Variants in PCDH9 observed in about 807,000 individuals in gnomAD.
PCDH9 encodes protocadherin-9.
In PCDH9, 24 loss-of-function variants were observed where a neutral mutation model predicts 70.6. The observed-to-expected ratio is 0.34, with a 90% CI of 0.25 to 0.48. PCDH9 has a LOEUF of 0.48. Among genes scored for constraint, PCDH9 ranks in the 20% least tolerant of loss-of-function variants. PCDH9 has a pLI of 0.99. For synonymous variants in PCDH9, 562 were observed against 558.5 expected (o/e 1.01, Z -0.09); for missense variants, 1,281 against 1,503.6 (o/e 0.85, Z 2.45).
At chr13:67,017,099 C>T (rs141087127) in intron 2 of PCDH9, among the ~76,000 whole-genome samples, 1,792 of 152,204 alleles carry the variant, frequency 0.012, 15 homozygotes, top group Middle Eastern at 0.017. Flanking sequence ...GCTGATACAT[C>T]GAGCAAATGT....
intron 2 of PCDH9, among the ~76,000 whole-genome samples, chr13:67,170,766 A>C (rs561706242): frequency 6.6e-6 from 1 of 152,008 alleles, no homozygotes; most frequent in African/African-American, 2.4e-5. Context: ...CGCTACTAAA[A>C]ATACAAAAAT....
chr13:66,309,053 G>A (rs1955519272), intron 4 of PCDH9, among the ~76,000 whole-genome samples: 1 of 151,976 alleles, frequency 6.6e-6, no homozygotes, highest in Non-Finnish European at 1.5e-5. Flanking sequence ...TAGTTACATG[G>A]TAGGTGTATG....
chr13:66,775,548 C>T (rs908123971), intron 3 of PCDH9, among the ~76,000 whole-genome samples: 1 of 152,152 alleles, frequency 6.6e-6, no homozygotes, highest in African/African-American at 2.4e-5. Context: ...TTCTTCTCCT[C>T]CTCAGCCTAC....
chr13:67,111,837 A>G (rs1284932252), intron 2 of PCDH9, among the ~76,000 whole-genome samples: 1 of 152,176 alleles, frequency 6.6e-6, no homozygotes, highest in Non-Finnish European at 1.5e-5. Context: ...TAAGCCTCCT[A>G]TGCCACCACT....
intron 3 of PCDH9, among the ~76,000 whole-genome samples, chr13:66,764,837 T>C (rs991415996): frequency 6.6e-5 from 10 of 152,024 alleles, no homozygotes; most frequent in Non-Finnish European, 7.4e-5. Context: ...TATAATTAAT[T>C]ATCAGAACTC....
chr13:67,216,642 A>G lies in PCDH9; in HGVS notation c.3036+8763T>C, dbSNP rs1012515711. 2.3e-4 allele frequency: 32 copies of G among 137,118 alleles called. 1 individual carries two copies. Among genetic ancestry groups the G allele is most frequent in the African/African-American group, 7.8e-4 (30 of 38,248 alleles). 8.5% of individuals were successfully genotyped at this position (137,118 alleles called of 1,614,324 possible). On this transcript the variant is annotated intron_variant, in intron 2 of 4. Transcript: ENST00000377865. ...TACTATTTCTAGCAAGAAAGGACAC[A>G]TCATAGATTTTATTTCACACTTTGT...
At chr13:67,176,602 AC>A in intron 2 of PCDH9, among the ~76,000 whole-genome samples, 1 of 152,272 alleles carries the variant, frequency 6.6e-6, no homozygotes. Context: ...ACAGAGCTTC[AC>A]TTTTCCTGTA....
intron 2 of PCDH9, among the ~76,000 whole-genome samples, chr13:67,051,379 AAGATTTTT>A (rs1447617986): frequency 4.2e-5 from 5 of 118,798 alleles, no homozygotes; most frequent in South Asian, 2.8e-4. Context: ...AAAACAATAC[AAGATTTTT>A]TTTTTTTTTT....
intron 3 of PCDH9, among the ~76,000 whole-genome samples, chr13:66,661,536 GT>G (rs1251870869): frequency 1.3e-5 from 2 of 152,216 alleles, no homozygotes; most frequent in South Asian, 2.1e-4. Flanking sequence ...GTATGCCCTT[GT>G]TTATCTGGAT....
chr13:66,644,379 T>C (rs899297801), intron 3 of PCDH9, among the ~76,000 whole-genome samples: 17 of 152,026 alleles, frequency 1.1e-4, no homozygotes, highest in African/African-American at 3.9e-4. Flanking sequence ...AGACAGTGTA[T>C]ATAAGAATTC....
chr13:67,063,717 G>T (rs955597715), intron 2 of PCDH9, among the ~76,000 whole-genome samples: 1 of 152,082 alleles, frequency 6.6e-6, no homozygotes, highest in African/African-American at 2.4e-5. Context: ...ATAACAAAAC[G>T]TCTGTGAGCA....
chr13:67,209,603 A>G (rs1246159991), intron 2 of PCDH9: 3 of 152,146 alleles, frequency 2.0e-5, no homozygotes, highest in Non-Finnish European at 4.4e-5. Context: ...AAGTAGTAGT[A>G]AATGCAAGCA....
chr13:66,703,582 CAGAT>C lies in PCDH9; in HGVS notation c.3139-72175_3139-72172del, dbSNP rs537556393. Among the ~76,000 whole-genome samples, 64 of 152,192 alleles carry C rather than the reference CAGAT, an allele frequency of 4.2e-4. 1 individual carries two copies. Among genetic ancestry groups the C allele is most frequent in the African/African-American group, 1.3e-3 (56 of 41,524 alleles). On this transcript the variant is annotated intron_variant, in intron 3 of 4. Transcript: ENST00000377865. ...AGTTTGTCTATTCAGATTTAATGGA[CAGAT>C]AGATTAATTGAAATTAAGAAAACAT...
At chr13:66,865,565 T>G (rs1369468685) in intron 3 of PCDH9, among the ~76,000 whole-genome samples, 1 of 152,220 alleles carries the variant, frequency 6.6e-6, no homozygotes, top group Non-Finnish European at 1.5e-5. Context: ...TCAGAAGTAT[T>G]AGATAATAGA....
rs117193057 is a variant in PCDH9 at position 66,760,837 on chromosome 13, G to C, written c.3139-129426C>G. Among the ~76,000 whole-genome samples, 562 of 152,184 alleles carry C rather than the reference G, an allele frequency of 3.7e-3. 4 individuals are homozygous for C. The highest frequency in any genetic ancestry group is 0.015 in the South Asian group (74 of 4,820). ...GGAGGTCTCGAAAATGGCTGCTCTG[G>C]GAGTGTCTATCTTATGCAGTTGTAG... On this transcript the variant is annotated intron_variant, in intron 3 of 4. Transcript: ENST00000377865.
At chr13:67,185,465 A>G (rs986369422) in intron 2 of PCDH9, among the ~76,000 whole-genome samples, 1 of 152,192 alleles carries the variant, frequency 6.6e-6, no homozygotes. Flanking sequence ...TAATATACAT[A>G]ATAGATTTCT....
chr13:66,380,797 C>T (rs534051604), intron 4 of PCDH9, among the ~76,000 whole-genome samples: 1 of 152,270 alleles, frequency 6.6e-6, no homozygotes, highest in Non-Finnish European at 1.5e-5. Flanking sequence ...CCCGCCTCGG[C>T]CTCCCAGAGT....
chr13:67,201,387 G>A (rs1014594685), intron 2 of PCDH9: 4 of 151,866 alleles, frequency 2.6e-5, no homozygotes, highest in Non-Finnish European at 4.4e-5. Context: ...GTGTACAAAA[G>A]TCCATTTTAA....
chr13:66,457,750 G>T (rs1471248028), intron 4 of PCDH9, among the ~76,000 whole-genome samples: 2 of 151,940 alleles, frequency 1.3e-5, no homozygotes, highest in African/African-American at 2.4e-5. Flanking sequence ...AAACTGTTGG[G>T]ATTTCAATAC....
Sources: allele counts gnomAD v4.1 joint callset (sites outside exome capture counted in the v4.1 genomes callset), GRCh38; gene constraint gnomAD v4.1.1; transcripts MANE v1.5; gene names NCBI Gene and HGNC (gene_info 2026-07-23, HGNC 2026-07-21).